NOVA2: variants seen among roughly 807,000 people sequenced by gnomAD.
NOVA2 encodes RNA-binding protein Nova-2.
In NOVA2, 9 loss-of-function variants were observed where a neutral mutation model predicts 22.5. That is an observed-to-expected ratio of 0.40 (90% CI 0.24 to 0.70). NOVA2 has a LOEUF of 0.70. Among genes scored for constraint, NOVA2 ranks in the 30% least tolerant of loss-of-function variants. The pLI is 0.38. For missense variants in NOVA2, 383 were observed against 682.8 expected, an observed-to-expected ratio of 0.56 and a Z score of 4.89; for synonymous variants, 318 against 335.2, an observed-to-expected ratio of 0.95 and a Z score of 0.56.
chr19:45,955,867 C>CA (rs963433038), intron 2 of NOVA2, among the ~76,000 whole-genome samples: 31 of 150,690 alleles, frequency 2.1e-4, no homozygotes, highest in African/African-American at 4.9e-4. Context: ...AAAAAAAAAA[C>CA]AAAAAAAAGA....
At chr19:45,943,048 G>A (rs936628150) in intron 3 of NOVA2, among the ~76,000 whole-genome samples, 2 of 110,388 alleles carry the variant, frequency 1.8e-5, no homozygotes, top group Admixed American at 1.2e-4. Flanking sequence ...GGCCCTATAT[G>A]TCTACTTTTT....
At chr19:45,958,513 G>A (rs574135086) in intron 2 of NOVA2, among the ~76,000 whole-genome samples, 2 of 147,530 alleles carry the variant, frequency 1.4e-5, no homozygotes, top group Non-Finnish European at 3.0e-5. Flanking sequence ...GTGTAAGCAT[G>A]TGTGACAATG....
chr19:45,941,403 A>G (rs1967756464), intron 3 of NOVA2, among the ~76,000 whole-genome samples: 2 of 151,778 alleles, frequency 1.3e-5, no homozygotes, highest in Admixed American at 1.3e-4. Flanking sequence ...TCTTGGCCTC[A>G]AGGGATCTCC....
rs1465077977 is a variant in NOVA2, at chr19:45,964,824, G to C, written c.86-3671C>G. Among the ~76,000 whole-genome samples the C allele has an allele frequency of 2.6e-5, 4 of 152,158 alleles. No individual in the cohort carries two copies. In the East Asian group the frequency reaches 5.8e-4, roughly 22 times the overall value. ...GATCCAACTGCCTGGGCCTCCAAAA[G>C]TGTTGGGATTACAGGCGTGAGTCAC... On this transcript the variant is annotated intron_variant, in intron 1 of 3. Transcript: ENST00000263257.
At chr19:45,947,308 C>G (rs767766001) in intron 3 of NOVA2, among the ~76,000 whole-genome samples, 5 of 151,918 alleles carry the variant, frequency 3.3e-5, no homozygotes, top group Non-Finnish European at 5.9e-5. Context: ...GACACGCCCA[C>G]AGGCCCAAGC....
Position 45,940,203 on chromosome 19 carries a change from G to C in NOVA2, c.1139C>G (p.Pro380Arg). 7.2e-7 allele frequency: 1 copy of C among 1,392,978 alleles called. No individual in the cohort carries two copies. The highest frequency in any genetic ancestry group is 9.3e-7 in the Non-Finnish European group (1 of 1,073,758). 86.3% of individuals were successfully genotyped at this position (1,392,978 alleles called of 1,614,324 possible). ...GGCCGCGGCTGCAGCGGCCACCAGC[G>C]GGCCGCCCCCTCCGCCCGCCCCGCC... Reference protein sequence around the residue: ...AGGGAGGGGGPLVAAAAAAGA... With the variant: ...AGGGAGGGGGRLVAAAAAAGA... Residue 380 changes from proline to arginine, a missense_variant, in exon 4 of 4, where the codon CCG (proline) becomes CGG (arginine). Around this residue, in one of 2 missense-constraint regions of NOVA2, gnomAD observed 349 missense variants for 578.1 expected, o/e 0.60. Transcript: ENST00000263257.
Position 45,935,145 on chromosome 19 carries a change from G to T in NOVA2, c.*4718C>A, listed in dbSNP as rs1433859829. 1 of 149,818 alleles carries T rather than the reference G, an allele frequency of 6.7e-6. No individual in the cohort carries two copies. The allele number at this position is 149,818 out of a possible 1,614,324, so 9.3% of individuals were successfully genotyped here. A position where few individuals can be genotyped will look rare whatever the true frequency, so the allele number is the denominator to read the frequency against. On this transcript the variant is annotated 3_prime_UTR_variant, in exon 4 of 4. Transcript: ENST00000263257. ...GGAGAGGTGGGGTAGGGAAAGGGGTGGGGGAGGGGGGGTTAGGCAGTCCCC... is the reference window on the plus strand; with the variant it reads ...GGAGAGGTGGGGTAGGGAAAGGGGTTGGGGAGGGGGGGTTAGGCAGTCCCC...
Position 45,973,453 on chromosome 19 carries a change from G to A in NOVA2, c.-102C>T. On this transcript the variant is annotated 5_prime_UTR_variant, in exon 1 of 4. It introduces an in-frame stop codon into an upstream open reading frame of the 5' UTR. Coordinates refer to ENST00000263257, the MANE Select transcript of NOVA2 (RefSeq NM_002516.4). Reference sequence around the variant, plus strand: ...GACGGCTGCTGGGGAGGCTGGGGTTGCGGCGGCGGCGGCGGCGGGGGCGGC... The same window carrying A: ...GACGGCTGCTGGGGAGGCTGGGGTTACGGCGGCGGCGGCGGCGGGGGCGGC... The A allele has an allele frequency of 7.1e-6, 1 of 141,050 alleles. No homozygotes were observed. Among genetic ancestry groups the A allele is most frequent in the Non-Finnish European group, 1.5e-5 (1 of 66,512 alleles). The allele number at this position is 141,050 out of a possible 1,614,324, so 8.7% of individuals were successfully genotyped here.
rs768720504 is a variant in NOVA2, at chr19:45,940,874, C to T, written c.468G>A (p.Val156=). Residue 156 remains valine (V), a synonymous_variant, in exon 4 of 4, where the codon GTG becomes GTA. Coordinates refer to ENST00000263257, the MANE Select transcript of NOVA2 (RefSeq NM_002516.4). Reference sequence around the variant, plus strand: ...GCACCCATGCTCCTGACTGTTCCATCACGGCTTTCACCGTGGCGCCTCCCT... The same window carrying T: ...GCACCCATGCTCCTGACTGTTCCATTACGGCTTTCACCGTGGCGCCTCCCT... ...IGKGGATVKA[V]MEQSGAWVQL... 6.2e-7 allele frequency: 1 copy of T among 1,606,244 alleles called. No individual in the cohort carries two copies.
At chr19:45,965,859 C>A (rs1055943357) in intron 1 of NOVA2, among the ~76,000 whole-genome samples, 7 of 152,174 alleles carry the variant, frequency 4.6e-5, no homozygotes, top group Non-Finnish European at 1.0e-4. Flanking sequence ...CATGGGGTTA[C>A]TGTGATTAAT....
chr19:45,940,980 T>G, intron 3 of NOVA2, 35 bp from the exon 4 acceptor site: 1 of 1,533,506 alleles, frequency 6.5e-7, no homozygotes, highest in Non-Finnish European at 8.7e-7. Context: ...TCTTTAATTT[T>G]ATTTTTTTAA....
chr19:45,956,470 C>CT (rs34559909), intron 2 of NOVA2, among the ~76,000 whole-genome samples: 26 of 148,314 alleles, frequency 1.8e-4, no homozygotes, highest in Non-Finnish European at 1.6e-4. Context: ...ATTCTAAGCA[C>CT]TTTTTTTTTT....
intron 3 of NOVA2, among the ~76,000 whole-genome samples, chr19:45,946,872 T>G (rs1472703851): frequency 1.5e-5 from 2 of 133,486 alleles, no homozygotes; most frequent in Non-Finnish European, 3.2e-5. Context: ...AGACTCCGTC[T>G]AAAAAAAAAA....
At chr19:45,944,788 G>A (rs936611356) in intron 3 of NOVA2, among the ~76,000 whole-genome samples, 1 of 152,216 alleles carries the variant, frequency 6.6e-6, no homozygotes, top group Admixed American at 6.5e-5. Flanking sequence ...TGGGAGGAAG[G>A]GGATTGGGGG....
rs73053711 is a variant in NOVA2 at position 45,938,391 on chromosome 19, C to T, written c.*1472G>A. The T allele has an allele frequency of 0.04, 6,139 of 152,498 alleles. 162 individuals carry two copies. The highest frequency in any genetic ancestry group is 0.078 in the Middle Eastern group (23 of 296). The allele number at this position is 152,498 out of a possible 1,614,324, so 9.4% of individuals were successfully genotyped here. A position where few individuals can be genotyped will look rare whatever the true frequency, so the allele number is the denominator to read the frequency against. ...CGAAGTATGCCAGCTTGCTGGAAGC[C>T]ACCAAACCAATCTAACCTATCAGAC... On this transcript the variant is annotated 3_prime_UTR_variant, in exon 4 of 4. Transcript: ENST00000263257.
intron 1 of NOVA2, 28 bp from the exon 2 acceptor site, chr19:45,961,181 G>T (rs1268793629): frequency 1.9e-6 from 3 of 1,576,994 alleles, no homozygotes; most frequent in Admixed American, 1.8e-5. Flanking sequence ...GTGGAGGGGA[G>T]TCAGCGGGGG....
At chr19:45,970,026 C>T (rs191765427) in intron 1 of NOVA2, among the ~76,000 whole-genome samples, 1 of 152,242 alleles carries the variant, frequency 6.6e-6, no homozygotes, top group African/African-American at 2.4e-5. Context: ...AAAATAGGGT[C>T]CATTCTAGTG....
chr19:45,938,118 C>G lies in NOVA2; in HGVS notation c.*1745G>C, dbSNP rs879265526. ...TTGGGTTGGAGAAAGTGGAGGTGGT[C>G]TCCAAGGAAGAGAGGGAGATGGGTG... On this transcript the variant is annotated 3_prime_UTR_variant, in exon 4 of 4. Coordinates refer to ENST00000263257, the MANE Select transcript of NOVA2 (RefSeq NM_002516.4). 3 of 152,078 alleles carry G rather than the reference C, an allele frequency of 2.0e-5. No homozygotes were observed. Among genetic ancestry groups the G allele is most frequent in the Non-Finnish European group, 2.9e-5 (2 of 68,036 alleles). 9.4% of individuals were successfully genotyped at this position (152,078 alleles called of 1,614,324 possible).
chr19:45,962,739 CG>C (rs1968114141), intron 1 of NOVA2: 1 of 152,088 alleles, frequency 6.6e-6, no homozygotes, highest in African/African-American at 2.4e-5. Context: ...CTCCACCTCC[CG>C]GGTGTAAGGG....
Sources: allele counts gnomAD v4.1 joint callset (sites outside exome capture counted in the v4.1 genomes callset), GRCh38; gene constraint gnomAD v4.1.1; regional missense constraint gnomAD v4.1.1; transcripts MANE v1.5; gene names NCBI Gene and HGNC (gene_info 2026-07-23, HGNC 2026-07-21).